ROBO2: variants seen among roughly 807,000 people sequenced by gnomAD.
ROBO2 encodes roundabout guidance receptor 2.
A neutral mutation model predicts 160.8 loss-of-function variants in ROBO2; 53 were observed. The observed-to-expected ratio is 0.33, with a 90% CI of 0.26 to 0.41. The LOEUF (loss-of-function observed/expected upper bound fraction) is 0.41. ROBO2 is among the 10% of genes least tolerant of loss of function. ROBO2 has a pLI of 1.00. For synonymous variants in ROBO2, 664 were observed against 611.7 expected (o/e 1.09, Z -1.26); for missense variants, 1,577 against 1,722.4 (o/e 0.92, Z 1.49).
At chr3:77,088,523 A>C (rs1424970011) in intron 1 of ROBO2, among the ~76,000 whole-genome samples, 1 of 152,154 alleles carries the variant, frequency 6.6e-6, no homozygotes, top group East Asian at 1.9e-4. Context: ...CGTAAGCATT[A>C]GCTATTTATT....
At chr3:76,321,335 T>TTTTAGGA (rs2072507113) in intron 2 of ROBO2, among the ~76,000 whole-genome samples, 1 of 151,992 alleles carries the variant, frequency 6.6e-6, no homozygotes, top group South Asian at 2.1e-4. Context: ...GTCAACATGG[T>TTTTAGGA]GAAACCCTGT....
intron 2 of ROBO2, among the ~76,000 whole-genome samples, chr3:76,821,037 G>A (rs1167749197): frequency 6.6e-6 from 1 of 151,814 alleles, no homozygotes; most frequent in Non-Finnish European, 1.5e-5. Flanking sequence ...AACTGAAAGC[G>A]TTCAATTGTT....
intron 6 of ROBO2, among the ~76,000 whole-genome samples, chr3:77,546,131 C>T (rs929518702): frequency 6.6e-6 from 1 of 152,022 alleles, no homozygotes; most frequent in African/African-American, 2.4e-5. Context: ...ATATAAAATA[C>T]GTCTGCTAAA....
chr3:76,715,792 G>T (rs541236063), intron 2 of ROBO2, among the ~76,000 whole-genome samples: 1 of 152,196 alleles, frequency 6.6e-6, no homozygotes, highest in Non-Finnish European at 1.5e-5. Flanking sequence ...TATACACAGA[G>T]GCTTTCAATC....
rs547249493 is a variant in ROBO2, at chr3:76,466,856, T to A, written c.109+529254T>A. Among the ~76,000 whole-genome samples, 430 of 152,162 alleles carry A rather than the reference T, an allele frequency of 2.8e-3. 1 individual carries two copies. Among genetic ancestry groups the A allele is most frequent in the African/African-American group, 9.9e-3 (413 of 41,560 alleles). ...AATTCATAGTATTGCACTCCTATCA[T>A]GATTCACGATCATGAAATAAAATTT... On this transcript the variant is annotated intron_variant, in intron 2 of 26. Transcript: ENST00000487694.
intron 2 of ROBO2, among the ~76,000 whole-genome samples, chr3:77,286,278 G>A (rs982664323): frequency 8.9e-6 from 1 of 112,010 alleles, no homozygotes; most frequent in Admixed American, 9.1e-5. Flanking sequence ...TTTTTTTTGA[G>A]CTTGAGTCTC....
chr3:76,367,791 T>C (rs1032571280), intron 2 of ROBO2, among the ~76,000 whole-genome samples: 1 of 151,968 alleles, frequency 6.6e-6, no homozygotes, highest in African/African-American at 2.4e-5. Context: ...TTAGAAGATG[T>C]AACCAGGTTT....
At chr3:76,694,424 A>C (rs2092883462) in intron 2 of ROBO2, among the ~76,000 whole-genome samples, 2 of 152,126 alleles carry the variant, frequency 1.3e-5, no homozygotes, top group African/African-American at 4.8e-5. Flanking sequence ...TTATATTAAG[A>C]GCCCAAATAA....
chr3:77,004,326 A>G lies in ROBO2; in HGVS notation c.110-93688A>G, dbSNP rs564593603. ...TCCTGCCAACAGTATGAAAAGAAGA[A>G]AGAGGTATAAAGAAAATCCATAGGC... On this transcript the variant is annotated intron_variant, in intron 2 of 26. Transcript: ENST00000487694. Among the ~76,000 whole-genome samples the G allele has an allele frequency of 2.0e-5, 3 of 152,316 alleles. No individual in the cohort carries two copies. The East Asian group carries it at 5.8e-4, about 29-fold the overall frequency.
chr3:76,018,231 A>C (rs1182230155), intron 2 of ROBO2, among the ~76,000 whole-genome samples: 2 of 152,028 alleles, frequency 1.3e-5, no homozygotes, highest in Non-Finnish European at 2.9e-5. Context: ...CTTAAAAAAC[A>C]CTAAGTAAAA....
At chr3:76,651,559 T>C (rs1183995101) in intron 2 of ROBO2, among the ~76,000 whole-genome samples, 2 of 151,944 alleles carry the variant, frequency 1.3e-5, no homozygotes, top group African/African-American at 4.8e-5. Flanking sequence ...TCAATGTATA[T>C]GTAAAGAGTG....
rs561034801 is a variant in ROBO2 at position 77,465,688 on chromosome 3, A to G, written c.389-11726A>G. ...TCCATGAGTTTTAAAATATTTACAT[A>G]CTTTTGGGTAAAACACACATATAAT... is the stretch of plus-strand genomic sequence containing the variant. On this transcript the variant is annotated intron_variant, in intron 2 of 25. Transcript: ENST00000461745. Among the ~76,000 whole-genome samples the G allele has an allele frequency of 6.6e-5, 10 of 152,308 alleles. 2 individuals are homozygous for G. In the South Asian group the frequency reaches 2.1e-3, roughly 32 times the overall value.
At chr3:76,048,409 A>G (rs2035705) in intron 2 of ROBO2, among the ~76,000 whole-genome samples, 7,356 of 152,266 alleles carry the variant, frequency 0.048, 419 homozygotes, top group African/African-American at 0.13. Flanking sequence ...ATCATGATTG[A>G]CACTCAGGTT....
chr3:76,475,379 G>T, intron 2 of ROBO2, among the ~76,000 whole-genome samples: 1 of 152,198 alleles, frequency 6.6e-6, no homozygotes, highest in Non-Finnish European at 1.5e-5. Flanking sequence ...GCCAAGGAGA[G>T]ACACTGACCA....
At chr3:77,021,814 C>G (rs2062655060) in intron 2 of ROBO2, among the ~76,000 whole-genome samples, 1 of 152,100 alleles carries the variant, frequency 6.6e-6, no homozygotes, top group African/African-American at 2.4e-5. Flanking sequence ...CCCCCTTCCT[C>G]CCTCTGTCTT....
intron 2 of ROBO2, among the ~76,000 whole-genome samples, chr3:76,881,413 G>T: frequency 6.6e-6 from 1 of 152,192 alleles, no homozygotes; most frequent in East Asian, 1.9e-4. Flanking sequence ...TATTTCTTGC[G>T]TTTTAAACTT....
At chr3:76,355,847 T>C in intron 2 of ROBO2, among the ~76,000 whole-genome samples, 1 of 151,688 alleles carries the variant, frequency 6.6e-6, no homozygotes, top group Non-Finnish European at 1.5e-5. Flanking sequence ...ACTTTGGCTT[T>C]TGGAATTATT....
In ROBO2 at chr3:76,805,512, C is replaced by T. The variant is rs898512595; in HGVS notation, c.110-292502C>T. Among the ~76,000 whole-genome samples, 5 of 151,866 alleles carry T rather than the reference C, an allele frequency of 3.3e-5. No homozygotes were observed. In the East Asian group the frequency reaches 9.7e-4, roughly 29 times the overall value. ...CCCCATATATATATATACACACACA[C>T]ATATGTATATATGTAGAAATATATA... On this transcript the variant is annotated intron_variant, in intron 2 of 26. Coordinates refer to the ROBO2 transcript ENST00000487694.
At chr3:76,440,414 C>T (rs2076874424) in intron 2 of ROBO2, among the ~76,000 whole-genome samples, 1 of 151,834 alleles carries the variant, frequency 6.6e-6, no homozygotes, top group Non-Finnish European at 1.5e-5. Context: ...CCCAACCCCA[C>T]AACAGACCCC....
Sources: gnomAD v4.1 joint callset for allele counts (sites outside exome capture counted in the v4.1 genomes callset) on GRCh38, gnomAD v4.1.1 for gene constraint, MANE v1.5 for transcripts, NCBI Gene and HGNC (gene_info 2026-07-23, HGNC 2026-07-21) for gene names.